GALNT17: variants seen among roughly 807,000 people sequenced by gnomAD.
The protein encoded by GALNT17 is UDP-GalNAc:polypeptide N-acetylgalactosaminyltransferase-like 3.
Under a neutral mutation model 63.7 loss-of-function variants are expected in GALNT17, and 29 were observed. That is an observed-to-expected ratio of 0.46 (90% confidence interval 0.34 to 0.62). The LOEUF (loss-of-function observed/expected upper bound fraction) is 0.62, where lower values mean the gene tolerates loss of function less well. Among genes scored for constraint, GALNT17 ranks in the 20% least tolerant of loss-of-function variants. The probability of loss-of-function intolerance (pLI) is 0.01; values close to 1 mark genes in which losing one functional copy is unlikely to be tolerated. For synonymous variants in GALNT17, 305 were observed against 318.3 expected (o/e 0.96, Z 0.45); for missense variants, 603 against 799.6 (o/e 0.75, Z 2.97).
chr7:71,527,001 A>G (rs1788635629), intron 5 of GALNT17, among the ~76,000 whole-genome samples: 1 of 152,134 alleles, frequency 6.6e-6, no homozygotes, highest in Admixed American at 6.6e-5. Flanking sequence ...CTATATCTCT[A>G]TCACTTTCAC....
At chr7:71,376,425 G>GTTTTTTTTTTTTT (rs57171551) in intron 2 of GALNT17, among the ~76,000 whole-genome samples, 1 of 63,362 alleles carries the variant, frequency 1.6e-5, no homozygotes, top group Admixed American at 2.8e-4. Context: ...GTTTGGAGTT[G>GTTTTTTTTTTTTT]TTTTTTTTTT....
chr7:71,206,171 A>G lies in GALNT17; in HGVS notation c.238+73131A>G, dbSNP rs1038306563. ...ATGAATATATATATAAAATATATAT[A>G]TTTATATATAAACACACACACCAAG... On this transcript the variant is annotated intron_variant, in intron 1 of 10. Transcript: ENST00000333538. Among the ~76,000 whole-genome samples, 11 of 148,518 alleles carry G rather than the reference A, an allele frequency of 7.4e-5. No homozygotes were observed. The South Asian group carries it at 1.9e-3, about 25-fold the overall frequency.
At chr7:71,293,898 G>T (rs1293283914) in intron 1 of GALNT17, among the ~76,000 whole-genome samples, 2 of 152,108 alleles carry the variant, frequency 1.3e-5, no homozygotes, top group African/African-American at 4.8e-5. Flanking sequence ...GGTGGCTCAC[G>T]CCTGTAATCC....
At chr7:71,293,799 C>T (rs1425191321) in intron 1 of GALNT17, among the ~76,000 whole-genome samples, 2 of 152,156 alleles carry the variant, frequency 1.3e-5, no homozygotes, top group African/African-American at 4.8e-5. Flanking sequence ...TGTGAAGAAA[C>T]GTCCTGTTAG....
intron 1 of GALNT17, among the ~76,000 whole-genome samples, chr7:71,334,067 G>A (rs1412156197): frequency 6.6e-6 from 1 of 152,142 alleles, no homozygotes; most frequent in African/African-American, 2.4e-5. Context: ...CTATGGAGAT[G>A]GTGGCAGCAA....
intron 6 of GALNT17, among the ~76,000 whole-genome samples, chr7:71,650,320 C>G (rs570536939): frequency 2.6e-5 from 4 of 152,282 alleles, no homozygotes; most frequent in African/African-American, 9.6e-5. Context: ...CATGATCTCT[C>G]TTCACTGCAA....
intron 5 of GALNT17, among the ~76,000 whole-genome samples, chr7:71,491,612 C>T (rs1208169513): frequency 6.6e-6 from 1 of 152,156 alleles, no homozygotes; most frequent in Non-Finnish European, 1.5e-5. Flanking sequence ...GCGGCAGACT[C>T]CAGTCCATCC....
intron 1 of GALNT17, among the ~76,000 whole-genome samples, chr7:71,178,858 G>A (rs1788685622): frequency 6.6e-6 from 1 of 151,830 alleles, no homozygotes; most frequent in Non-Finnish European, 1.5e-5. Flanking sequence ...GATCATCCTT[G>A]GGTTGATTTT....
chr7:71,518,723 C>A (rs1217591259), intron 5 of GALNT17, among the ~76,000 whole-genome samples: 3 of 152,140 alleles, frequency 2.0e-5, no homozygotes, highest in Non-Finnish European at 2.9e-5. Flanking sequence ...TTCTGAACAA[C>A]ACATGTTTTA....
chr7:71,570,701 T>G (rs917750028), intron 5 of GALNT17, among the ~76,000 whole-genome samples: 2 of 152,088 alleles, frequency 1.3e-5, no homozygotes, highest in Non-Finnish European at 2.9e-5. Flanking sequence ...CCTCACAGGC[T>G]GGGCATGGTG....
chr7:71,587,323 C>G (rs1474638574), intron 6 of GALNT17, among the ~76,000 whole-genome samples: 2 of 152,190 alleles, frequency 1.3e-5, no homozygotes, highest in Non-Finnish European at 2.9e-5. Flanking sequence ...CCACCGCACC[C>G]AGCCACCTCT....
At chr7:71,366,521 C>T (rs1275661449) in intron 2 of GALNT17, among the ~76,000 whole-genome samples, 2 of 152,118 alleles carry the variant, frequency 1.3e-5, no homozygotes, top group Non-Finnish European at 2.9e-5. Context: ...GCGGAGGTTG[C>T]AGTGAGCTGA....
At chr7:71,293,763 C>T (rs1476527059) in intron 1 of GALNT17, among the ~76,000 whole-genome samples, 3 of 152,184 alleles carry the variant, frequency 2.0e-5, no homozygotes, top group Non-Finnish European at 4.4e-5. Flanking sequence ...TATATTACTT[C>T]ACTGTCCCCA....
chr7:71,249,581 A>T, intron 1 of GALNT17, among the ~76,000 whole-genome samples: 1 of 152,210 alleles, frequency 6.6e-6, no homozygotes, highest in South Asian at 2.1e-4. Context: ...TTTTCCTCTC[A>T]TTAAAATATC....
chr7:71,324,458 C>A (rs899511881), intron 1 of GALNT17, among the ~76,000 whole-genome samples: 1 of 152,108 alleles, frequency 6.6e-6, no homozygotes, highest in Non-Finnish European at 1.5e-5. Context: ...CAACACTAGC[C>A]TGAGCAACAT....
At chr7:71,439,495 A>G (rs1787026625) in intron 5 of GALNT17, among the ~76,000 whole-genome samples, 1 of 152,166 alleles carries the variant, frequency 6.6e-6, no homozygotes, top group Admixed American at 6.5e-5. Flanking sequence ...AACATTAGCA[A>G]CGTAAACTTT....
chr7:71,676,566 T>G lies in GALNT17; in HGVS notation c.1405-645T>G, dbSNP rs547931044. 2.5e-4 allele frequency among the ~76,000 whole-genome samples: 38 copies of G among 152,112 alleles called. No individual in the cohort carries two copies. In the South Asian group the frequency reaches 7.5e-3, roughly 30 times the overall value. ...GGCTGGTTAATTTGTTTTAATGTTT[T>G]TTTAGGATGGGGCCTCGCTATGTTG... is the stretch of plus-strand genomic sequence containing the variant. On this transcript the variant is annotated intron_variant, in intron 8 of 10. Transcript: ENST00000333538.
chr7:71,526,155 A>G (rs570166042), intron 5 of GALNT17, among the ~76,000 whole-genome samples: 1 of 152,296 alleles, frequency 6.6e-6, no homozygotes. Flanking sequence ...TTAGTCAAAA[A>G]TGTTCTCACT....
At chr7:71,567,869 A>G (rs1161286089) in intron 5 of GALNT17, among the ~76,000 whole-genome samples, 2 of 152,202 alleles carry the variant, frequency 1.3e-5, no homozygotes, top group Non-Finnish European at 2.9e-5. Context: ...TTGTGCCACC[A>G]CTGAAGGTGA....
Sources: allele counts gnomAD v4.1 joint callset (sites outside exome capture counted in the v4.1 genomes callset), GRCh38; gene constraint gnomAD v4.1.1; transcripts MANE v1.5; gene names NCBI Gene and HGNC (gene_info 2026-07-23, HGNC 2026-07-21).